SORCS3: variants seen among roughly 807,000 people sequenced by gnomAD.
SORCS3 encodes VPS10 domain-containing receptor SorCS3.
Under a neutral mutation model 146.3 loss-of-function variants are expected in SORCS3, and 57 were observed. The observed-to-expected ratio is 0.39, with a 90% CI of 0.31 to 0.49. The LOEUF (loss-of-function observed/expected upper bound fraction) is 0.49. SORCS3 is among the 20% of genes least tolerant of loss of function. The pLI is 0.92. For missense variants in SORCS3, 1,341 were observed against 1,575.5 expected, an observed-to-expected ratio of 0.85 and a Z score of 2.52; for synonymous variants, 653 against 618.5, an observed-to-expected ratio of 1.06 and a Z score of -0.83.
Position 104,978,235 on chromosome 10 carries a change from A to C in SORCS3, c.954+742A>C, listed in dbSNP as rs114903580. On this transcript the variant is annotated intron_variant, in intron 4 of 26. Coordinates refer to ENST00000369701, the MANE Select transcript of SORCS3 (RefSeq NM_014978.3). Reference sequence around the variant, plus strand: ...CAGATTCCACCTCGAGGCATATTCCATCACACTATGCCACCTTGATTTGGT... The same window carrying C: ...CAGATTCCACCTCGAGGCATATTCCCTCACACTATGCCACCTTGATTTGGT... Among the ~76,000 whole-genome samples the C allele has an allele frequency of 8.4e-3, 1,275 of 152,252 alleles. 17 individuals are homozygous for C. The highest frequency in any genetic ancestry group is 0.029 in the African/African-American group (1,203 of 41,550).
intron 1 of SORCS3, among the ~76,000 whole-genome samples, chr10:104,842,442 C>T (rs933492421): frequency 3.9e-5 from 6 of 152,168 alleles, no homozygotes; most frequent in African/African-American, 1.4e-4. Context: ...CATCTGATCT[C>T]TGGGTGGCCT....
At chr10:105,197,175 C>T (rs2119606471) in intron 14 of SORCS3, among the ~76,000 whole-genome samples, 1 of 152,272 alleles carries the variant, frequency 6.6e-6, no homozygotes, top group Non-Finnish European at 1.5e-5. Flanking sequence ...ACTTTTCCCA[C>T]ATAAGGTCAC....
chr10:104,754,024 C>T (rs1480905522), intron 1 of SORCS3, among the ~76,000 whole-genome samples: 1 of 152,072 alleles, frequency 6.6e-6, no homozygotes, highest in Non-Finnish European at 1.5e-5. Context: ...TGCACTGGGC[C>T]AGGCAGTCTG....
chr10:104,769,786 G>C (rs967113060), intron 1 of SORCS3, among the ~76,000 whole-genome samples: 12 of 152,144 alleles, frequency 7.9e-5, no homozygotes, highest in African/African-American at 2.7e-4. Flanking sequence ...ACCTTGAATA[G>C]GACTTTCCCT....
intron 18 of SORCS3, among the ~76,000 whole-genome samples, chr10:105,215,246 T>G (rs1326104948): frequency 1.3e-5 from 2 of 152,250 alleles, no homozygotes; most frequent in Non-Finnish European, 2.9e-5. Flanking sequence ...GTTGTCTGCT[T>G]CTTTTATAAG....
At chr10:104,683,715 C>T (rs550405738) in intron 1 of SORCS3, among the ~76,000 whole-genome samples, 14 of 152,210 alleles carry the variant, frequency 9.2e-5, no homozygotes, top group Middle Eastern at 3.4e-3. Context: ...GTGACAGGCT[C>T]GCCAGTTGGC....
In SORCS3 at chr10:105,262,352, C is replaced by A; in HGVS notation, c.3465C>A (p.Ile1155=). 2 of 1,613,788 alleles carry A rather than the reference C, an allele frequency of 1.2e-6. No homozygotes were observed. The highest frequency in any genetic ancestry group is 1.7e-6 in the Non-Finnish European group (2 of 1,179,786). Residue 1155 remains isoleucine, a synonymous_variant, in exon 26 of 27, where the codon ATC becomes ATA. Transcript: ENST00000369701. The part of the protein sequence containing the change: ...KFKRKIPWIN[I]YAQVQHDKEQ... ...GTAGGAAAATCCCTTGGATTAACATCTATGCTCAAGTCCAACACGACAAGG... is the reference window on the plus strand; with the variant it reads ...GTAGGAAAATCCCTTGGATTAACATATATGCTCAAGTCCAACACGACAAGG...
chr10:105,143,712 G>A (rs1302027477), intron 8 of SORCS3, among the ~76,000 whole-genome samples: 1 of 152,116 alleles, frequency 6.6e-6, no homozygotes, highest in Non-Finnish European at 1.5e-5. Flanking sequence ...TTACATAAGA[G>A]ACTATTTAAT....
intron 1 of SORCS3, among the ~76,000 whole-genome samples, chr10:104,806,385 T>C (rs1366281676): frequency 6.6e-6 from 1 of 152,220 alleles, no homozygotes; most frequent in Admixed American, 6.5e-5. Flanking sequence ...CTTATGATGC[T>C]GTAAGTTCTA....
In SORCS3 at chr10:105,214,618, G is replaced by A; in HGVS notation, c.2547+5G>A. On this transcript the variant is annotated splice_donor_5th_base_variant and intron_variant, in intron 18 of 26. Coordinates refer to ENST00000369701, the MANE Select transcript of SORCS3 (RefSeq NM_014978.3). ...TTCATCATCCTCATGGAGGAGGTAG[G>A]TGCTCAACTGGGTCTCTGAGGTCAG... 6.4e-7 allele frequency: 1 copy of A among 1,559,648 alleles called. No homozygotes were observed. The highest frequency in any genetic ancestry group is 8.7e-7 in the Non-Finnish European group (1 of 1,153,624).
Position 105,161,198 on chromosome 10 carries a change from T to C in SORCS3, c.1732+2204T>C, listed in dbSNP as rs145107218. Reference sequence around the variant, plus strand: ...CCATGCCCTGGATCTTTGGGAGGGATATAACTCAGCTGATGAGATCCTGAT... The same window carrying C: ...CCATGCCCTGGATCTTTGGGAGGGACATAACTCAGCTGATGAGATCCTGAT... On this transcript the variant is annotated intron_variant, in intron 11 of 26. Transcript: ENST00000369701. 6.6e-3 allele frequency among the ~76,000 whole-genome samples: 1,010 copies of C among 152,340 alleles called. 12 individuals carry two copies. Among genetic ancestry groups the C allele is most frequent in the African/African-American group, 0.02 (847 of 41,574 alleles).
At chr10:105,041,772 A>G (rs1006146117) in intron 4 of SORCS3, among the ~76,000 whole-genome samples, 3 of 152,122 alleles carry the variant, frequency 2.0e-5, no homozygotes, top group African/African-American at 7.2e-5. Flanking sequence ...GAACAGCCCT[A>G]TAGGAGAGCA....
At chr10:105,226,909 T>C (rs2056736787) in intron 20 of SORCS3, among the ~76,000 whole-genome samples, 1 of 152,020 alleles carries the variant, frequency 6.6e-6, no homozygotes, top group African/African-American at 2.4e-5. Flanking sequence ...TTGCAATGCC[T>C]CCTTTTCCAT....
chr10:105,248,178 A>G (rs554351251), intron 22 of SORCS3, among the ~76,000 whole-genome samples: 2 of 152,368 alleles, frequency 1.3e-5, no homozygotes, highest in African/African-American at 4.8e-5. Context: ...ATTGATGAAT[A>G]AAACATGGTC....
intron 1 of SORCS3, among the ~76,000 whole-genome samples, chr10:104,642,896 G>C (rs2015443669): frequency 6.6e-6 from 1 of 152,176 alleles, no homozygotes. Context: ...CGAACTGGGC[G>C]CCCGACTGAG....
At chr10:104,906,654 A>G (rs2018907866) in intron 2 of SORCS3, among the ~76,000 whole-genome samples, 1 of 152,152 alleles carries the variant, frequency 6.6e-6, no homozygotes, top group Admixed American at 6.6e-5. Flanking sequence ...TTTGAATCCA[A>G]ATCTCCTTGA....
At position 104,948,512 on chromosome 10, in the gene SORCS3, A is replaced by C. The variant is rs2019396066; in HGVS notation, c.796-28823A>C. On this transcript the variant is annotated intron_variant, in intron 3 of 26. Transcript: ENST00000369701. ...GGGAACTGAGTTTGCAAATGAATTA[A>C]TTTGATTCACAGCATTTTATGGATA... 2.0e-5 allele frequency among the ~76,000 whole-genome samples: 3 copies of C among 152,312 alleles called. No homozygotes were observed. The South Asian group carries it at 6.2e-4, about 32-fold the overall frequency.
intron 1 of SORCS3, among the ~76,000 whole-genome samples, chr10:104,799,333 G>A (rs565042325): frequency 3.0e-4 from 46 of 152,270 alleles, no homozygotes; most frequent in Non-Finnish European, 6.0e-4. Flanking sequence ...AGAAAATGTG[G>A]CATATATACA....
chr10:104,742,846 A>G (rs1171317960), intron 1 of SORCS3, among the ~76,000 whole-genome samples: 3 of 152,210 alleles, frequency 2.0e-5, no homozygotes, highest in Admixed American at 6.5e-5. Flanking sequence ...CTGCACTGCC[A>G]TGATTGACTT....
Sources: allele counts gnomAD v4.1 joint callset (sites outside exome capture counted in the v4.1 genomes callset), GRCh38; gene constraint gnomAD v4.1.1; transcripts MANE v1.5; gene names NCBI Gene and HGNC (gene_info 2026-07-23, HGNC 2026-07-21).